BRF1: variants seen among roughly 807,000 people sequenced by gnomAD.
BRF1 encodes the protein transcription factor IIIB 90 kDa subunit.
BRF1 carries 59 observed loss-of-function variants against 81.7 expected under a neutral mutation model. That is an observed-to-expected ratio of 0.72 (90% CI 0.59 to 0.90). BRF1 has a LOEUF of 0.90. Ranked by LOEUF, BRF1 falls within the 40% of genes least tolerant of loss-of-function variation. BRF1 has a pLI of 0.00. For synonymous variants in BRF1, 491 were observed against 395.6 expected, an observed-to-expected ratio of 1.24 and a Z score of -2.86; for missense variants, 1,050 against 936.3, an observed-to-expected ratio of 1.12 and a Z score of -1.58.
chr14:105,225,879 C>T (rs113489040), intron 10 of BRF1, among the ~76,000 whole-genome samples, 190 bp downstream of exon 10: 1 of 152,206 alleles, frequency 6.6e-6, no homozygotes, highest in East Asian at 1.9e-4. Context: ...ATCTCCTGAC[C>T]TCGTGATCCG....
At position 105,300,948 on chromosome 14, in the gene BRF1, G is replaced by A. The variant is rs587646776; in HGVS notation, c.-319C>T. 6.4e-6 allele frequency: 1 copy of A among 155,250 alleles called. No homozygotes were observed. Among genetic ancestry groups the A allele is most frequent in the Admixed American group, 6.5e-5 (1 of 15,388 alleles). The allele number at this position is 155,250 out of a possible 1,614,324, so 9.6% of individuals were successfully genotyped here. ...GTCGGAGGGGCGACCTGCGGGGGCT[G>A]GGCTTCGGCGGAACCCGAGCGGGGC... On this transcript the variant is annotated 5_prime_UTR_variant, in exon 1 of 18. Transcript: ENST00000547530.
chr14:105,261,362 C>T (rs1456606938), intron 3 of BRF1, among the ~76,000 whole-genome samples: 1 of 152,220 alleles, frequency 6.6e-6, no homozygotes. Context: ...GACGGTGCAG[C>T]CCTGCACCCC....
chr14:105,300,651 G>A lies in BRF1; in HGVS notation c.-22C>T, dbSNP rs587647790. The A allele has an allele frequency of 6.7e-6, 9 of 1,345,408 alleles. No individual in the cohort carries two copies. Among genetic ancestry groups the A allele is most frequent in the Non-Finnish European group, 8.5e-6 (9 of 1,059,316 alleles). The allele number at this position is 1,345,408 out of a possible 1,614,324, so 83.3% of individuals were successfully genotyped here. A position where few individuals can be genotyped will look rare whatever the true frequency, so the allele number is the denominator to read the frequency against. On this transcript the variant is annotated 5_prime_UTR_variant, in exon 1 of 18. Coordinates refer to ENST00000547530, the MANE Select transcript of BRF1 (RefSeq NM_001519.4). ...TCATGCCGGCGACCGCGCGGGCAGC[G>A]CCCGGAGCCTCCCAAGACTCTCAAG...
intron 1 of BRF1, among the ~76,000 whole-genome samples, chr14:105,295,707 C>G (rs1200258449): frequency 6.6e-6 from 1 of 151,856 alleles, no homozygotes; most frequent in Non-Finnish European, 1.5e-5. Context: ...TCTCTTGAAC[C>G]CAGAAGTTCC....
chr14:105,273,770 G>A (rs2056760816), intron 2 of BRF1, among the ~76,000 whole-genome samples: 1 of 152,226 alleles, frequency 6.6e-6, no homozygotes, highest in Non-Finnish European at 1.5e-5. Context: ...ACAATACACT[G>A]CGGAAAGCTG....
At chr14:105,304,380 C>T (rs183197339), upstream of BRF1, among the ~76,000 whole-genome samples, 16 of 151,910 alleles carry the variant, frequency 1.1e-4, no homozygotes, top group East Asian at 1.7e-3. Flanking sequence ...TCCAGCTACT[C>T]GGGAGGCTGA....
At chr14:105,212,466 T>A in intron 15 of BRF1, 1 of 387,962 alleles carries the variant, frequency 2.6e-6, no homozygotes, top group Non-Finnish European at 4.8e-6. Context: ...AGGAGCTGCC[T>A]GGTGCCCTAC....
intron 3 of BRF1, among the ~76,000 whole-genome samples, chr14:105,258,484 G>C (rs1437041561): frequency 1.5e-5 from 2 of 134,240 alleles, no homozygotes; most frequent in African/African-American, 2.7e-5. Flanking sequence ...GCGAGACTCC[G>C]TCTCAAAAAA....
Position 105,221,649 on chromosome 14 carries a change from G to A in BRF1, c.1314C>T (p.Pro438=). Residue 438 remains proline (P), a splice_region_variant and synonymous_variant, in exon 11 of 18, where the codon CCC becomes CCT. Coordinates refer to ENST00000547530, the MANE Select transcript of BRF1 (RefSeq NM_001519.4). ...CCCCAGGGCCCCATCAGAACTCACT[G>A]GGGTCGCTGCTCTGAGAGGAGATGC... is the stretch of plus-strand genomic sequence containing the variant. ...RECISSQSSD[P]KDASGDGELD... is the part of the protein sequence containing the mutation. 1 of 1,609,820 alleles carries A rather than the reference G, an allele frequency of 6.2e-7. No homozygotes were observed. The highest frequency in any genetic ancestry group is 1.1e-5 in the South Asian group (1 of 90,848).
chr14:105,249,205 C>T, intron 5 of BRF1: 2 of 1,588,908 alleles, frequency 1.3e-6, no homozygotes, highest in Non-Finnish European at 1.7e-6. Flanking sequence ...TGCACTTCGT[C>T]GTGGGGCCCC....
At chr14:105,254,704 G>A (rs587758168) in intron 4 of BRF1, among the ~76,000 whole-genome samples, 29 of 152,232 alleles carry the variant, frequency 1.9e-4, no homozygotes, top group Admixed American at 1.3e-4. Context: ...TGGGATTATA[G>A]GCATCCGCCA....
intron 3 of BRF1, among the ~76,000 whole-genome samples, chr14:105,267,445 A>C (rs1283887971): frequency 6.6e-6 from 1 of 151,720 alleles, no homozygotes; most frequent in Non-Finnish European, 1.5e-5. Flanking sequence ...GTGAGACCAC[A>C]GGTACACACC....
intron 1 of BRF1, among the ~76,000 whole-genome samples, chr14:105,299,407 A>AAAAAT (rs1487814432): frequency 2.0e-5 from 3 of 151,948 alleles, no homozygotes; most frequent in Non-Finnish European, 2.9e-5. Flanking sequence ...TGTCTCTACT[A>AAAAAT]AAAATAAAAT....
At chr14:105,289,783 G>A (rs587678581) in intron 1 of BRF1, among the ~76,000 whole-genome samples, 2 of 152,240 alleles carry the variant, frequency 1.3e-5, no homozygotes, top group African/African-American at 2.4e-5. Context: ...CTACAGGTGC[G>A]TGCCACCACG....
chr14:105,296,080 C>CAAA (rs58030113), intron 1 of BRF1, among the ~76,000 whole-genome samples: 26 of 56,846 alleles, frequency 4.6e-4, no homozygotes, highest in African/African-American at 1.5e-3. Flanking sequence ...CACTCTATCT[C>CAAA]AAAAAAAAAA....
At chr14:105,211,061 G>T in intron 17 of BRF1, 61 bp downstream of exon 17, 1 of 1,585,214 alleles carries the variant, frequency 6.3e-7, no homozygotes, top group Non-Finnish European at 8.6e-7. Context: ...GGGATCATGA[G>T]GGGCAGTAGC....
chr14:105,314,580 T>A (rs899819188), intron 1 of BRF1: 1 of 144,386 alleles, frequency 6.9e-6, no homozygotes, highest in South Asian at 2.1e-4. Flanking sequence ...CGCACCTCAC[T>A]TCCGGCGCGC....
At chr14:105,259,833 C>A (rs1176932250) in intron 3 of BRF1, among the ~76,000 whole-genome samples, 1 of 152,166 alleles carries the variant, frequency 6.6e-6, no homozygotes, top group East Asian at 1.9e-4. Flanking sequence ...TCGCTTGAAC[C>A]CAGGAGACAG....
At chr14:105,223,773 T>C (rs1229859671) in intron 10 of BRF1, among the ~76,000 whole-genome samples, 1 of 152,094 alleles carries the variant, frequency 6.6e-6, no homozygotes, top group Non-Finnish European at 1.5e-5. Context: ...ACATTTTAAA[T>C]ATGAGCAGTT....
Sources: gnomAD v4.1 joint callset for allele counts (sites outside exome capture counted in the v4.1 genomes callset) on GRCh38, gnomAD v4.1.1 for gene constraint, MANE v1.5 for transcripts, NCBI Gene and HGNC (gene_info 2026-07-23, HGNC 2026-07-21) for gene names.